Variants in CARM1 observed in about 807,000 individuals in gnomAD.
CARM1 encodes coactivator associated arginine methyltransferase 1, also known as histone-arginine methyltransferase CARM1.
A neutral mutation model predicts 72.7 loss-of-function variants in CARM1; 14 were observed. The observed-to-expected ratio is 0.19, with a 90% confidence interval of 0.13 to 0.30. The LOEUF is 0.30. Ranked by LOEUF, CARM1 falls within the 10% of genes least tolerant of loss-of-function variation. The pLI, the probability that CARM1 is intolerant of heterozygous loss-of-function variation, is 1.00. For missense variants in CARM1, 432 were observed against 833.7 expected (o/e 0.52, Z 5.93); for synonymous variants, 333 against 345.5 (o/e 0.96, Z 0.40).
At chr19:10,892,702 T>C (rs960295767) in intron 1 of CARM1, among the ~76,000 whole-genome samples, 2 of 152,070 alleles carry the variant, frequency 1.3e-5, no homozygotes, top group Non-Finnish European at 2.9e-5. Flanking sequence ...CAGGGAGGGG[T>C]TTTCATCCCC....
At position 10,915,236 on chromosome 19, in the gene CARM1, T is replaced by A. The variant is rs548789403; in HGVS notation, c.848-1171T>A. 1.1e-4 allele frequency among the ~76,000 whole-genome samples: 17 copies of A among 152,228 alleles called. No homozygotes were observed. The East Asian group carries it at 3.3e-3, about 29-fold the overall frequency. ...GGAAGCAAGGCTGCTCCAGGGGCTG[T>A]GGGCCCCACTCTCCTCCCCTTCTGC... is the stretch of plus-strand genomic sequence containing the variant. On this transcript the variant is annotated intron_variant, in intron 6 of 15. Coordinates refer to ENST00000327064, the MANE Select transcript of CARM1 (RefSeq NM_199141.2). The surrounding 1 kb of genome is among the most constrained non-coding windows in gnomAD (Gnocchi z 4.6).
chr19:10,903,219 T>A (rs1321611554), intron 1 of CARM1, among the ~76,000 whole-genome samples: 1 of 152,254 alleles, frequency 6.6e-6, no homozygotes, highest in Non-Finnish European at 1.5e-5. Context: ...CATTGATCTG[T>A]GTCTCCTTTC....
chr19:10,920,138 G>GTGTA lies in CARM1; in HGVS notation c.1196+175_1196+176insATGT, dbSNP rs960233969. ...TTGTGGGTGGGGTGTGTGTGTGTGT[G>GTGTA]TGTGTATGTGTGTGTGTGTCCTGTG... On this transcript the variant is annotated intron_variant, in intron 10 of 15. Coordinates refer to ENST00000327064, the MANE Select transcript of CARM1 (RefSeq NM_199141.2). This position sits in a 1 kb window ranked among gnomAD's most constrained non-coding sequence, Gnocchi z 5.3. Among the ~76,000 whole-genome samples the GTGTA allele has an allele frequency of 1.3e-5, 2 of 151,922 alleles. No individual in the cohort carries two copies. Among genetic ancestry groups the GTGTA allele is most frequent in the African/African-American group, 4.8e-5 (2 of 41,398 alleles).
At chr19:10,898,486 G>T (rs1300357479) in intron 1 of CARM1, among the ~76,000 whole-genome samples, 1 of 152,220 alleles carries the variant, frequency 6.6e-6, no homozygotes, top group African/African-American at 2.4e-5. Context: ...CGCAACAGTG[G>T]TGCTTTTTGG....
Position 10,915,077 on chromosome 19 carries a change from A to T in CARM1, c.847+1023A>T, listed in dbSNP as rs186966888. 2.6e-5 allele frequency among the ~76,000 whole-genome samples: 4 copies of T among 152,282 alleles called. No homozygotes were observed. Among genetic ancestry groups the T allele is most frequent in the African/African-American group, 9.6e-5 (4 of 41,558 alleles). ...GCAGGCTGGTGGGGCTTGTGCAGGCAGGGGCAGGGGGGAAGCTTCCACTCT... is the reference window on the plus strand; with the variant it reads ...GCAGGCTGGTGGGGCTTGTGCAGGCTGGGGCAGGGGGGAAGCTTCCACTCT... On this transcript the variant is annotated intron_variant, in intron 6 of 15. Transcript: ENST00000327064. This position sits in a 1 kb window ranked among gnomAD's most constrained non-coding sequence, Gnocchi z 4.6.
chr19:10,913,857 A>G lies in CARM1; in HGVS notation c.670-20A>G, dbSNP rs1286583419. ...GGCAGGAAGACGCAGGGAAGCCCAC[A>G]TGGCCCTGCCCGCCTGCAGGTCTTG... is the stretch of plus-strand genomic sequence containing the variant. On this transcript the variant is annotated intron_variant, in intron 5 of 15. Coordinates refer to ENST00000327064, the MANE Select transcript of CARM1 (RefSeq NM_199141.2). 6 of 1,606,440 alleles carry G rather than the reference A, an allele frequency of 3.7e-6. No homozygotes were observed. The highest frequency in any genetic ancestry group is 1.7e-5 in the Admixed American group (1 of 59,168).
intron 8 of CARM1, among the ~76,000 whole-genome samples, chr19:10,917,436 C>T (rs1198800753): frequency 3.9e-5 from 6 of 152,102 alleles, no homozygotes; most frequent in African/African-American, 9.6e-5. Context: ...GAGATCGCAC[C>T]ACTGCACTCC....
Position 10,915,161 on chromosome 19 carries a change from G to A in CARM1, c.847+1107G>A, listed in dbSNP as rs539820113. ...GTCCTGGCTGGCTGTGCTCCTGGAG[G>A]TGGGAGGTGGCGTCCCACAGCTGTG... is the stretch of plus-strand genomic sequence containing the variant. On this transcript the variant is annotated intron_variant, in intron 6 of 15. Transcript: ENST00000327064. The surrounding 1 kb of genome is among the most constrained non-coding windows in gnomAD (Gnocchi z 4.6). 2.5e-4 allele frequency among the ~76,000 whole-genome samples: 38 copies of A among 152,172 alleles called. No individual in the cohort carries two copies. The highest frequency in any genetic ancestry group is 4.7e-4 in the Non-Finnish European group (32 of 68,028).
At chr19:10,877,079 G>A (rs1037039177) in intron 1 of CARM1, among the ~76,000 whole-genome samples, 5 of 152,122 alleles carry the variant, frequency 3.3e-5, no homozygotes, top group Admixed American at 6.6e-5. Context: ...TGCTGTCACC[G>A]AACCAGGGGC....
rs1306183142 is a variant in CARM1 at position 10,890,780 on chromosome 19, T to C, written c.221-14171T>C. On this transcript the variant is annotated intron_variant, in intron 1 of 15. Transcript: ENST00000327064. The stretch of plus-strand genomic sequence containing the variant: ...ACACACATATACACACACACATATA[T>C]ATATATATATATATATTTTTTTTTT... Among the ~76,000 whole-genome samples the C allele has an allele frequency of 6.2e-3, 591 of 95,722 alleles. 31 individuals carry two copies. The highest frequency in any genetic ancestry group is 8.8e-3 in the African/African-American group (184 of 20,858). The allele number at this position is 95,722 out of a possible 152,430, so 62.8% of individuals were successfully genotyped here.
At chr19:10,899,033 GTTTTTTTTTT>G (rs34563725) in intron 1 of CARM1, among the ~76,000 whole-genome samples, 2 of 117,458 alleles carry the variant, frequency 1.7e-5, no homozygotes, top group East Asian at 2.5e-4. Context: ...GGCTTAGCTT[GTTTTTTTTTT>G]TTTTTTTTTT....
intron 1 of CARM1, among the ~76,000 whole-genome samples, chr19:10,901,504 C>T (rs542319467): frequency 4.0e-5 from 6 of 151,138 alleles, no homozygotes; most frequent in South Asian, 2.1e-4. Context: ...TTTTTTGTAG[C>T]GATAGAGATG....
intron 1 of CARM1, 105 bp from the exon 2 acceptor site, chr19:10,904,846 C>A: frequency 6.7e-7 from 1 of 1,482,160 alleles, no homozygotes; most frequent in East Asian, 2.3e-5. Context: ...CTGGAAGAAT[C>A]TGGGGGCACC....
Position 10,920,431 on chromosome 19 carries a change from C to G in CARM1, c.1197-5C>G. 1 of 1,607,554 alleles carries G rather than the reference C, an allele frequency of 6.2e-7. No individual in the cohort carries two copies. The highest frequency in any genetic ancestry group is 8.5e-7 in the Non-Finnish European group (1 of 1,174,888). On this transcript the variant is annotated splice_region_variant and splice_polypyrimidine_tract_variant and intron_variant, in intron 10 of 15. Coordinates refer to ENST00000327064, the MANE Select transcript of CARM1 (RefSeq NM_199141.2). This position sits in a 1 kb window ranked among gnomAD's most constrained non-coding sequence, Gnocchi z 5.3. ...GTCAAGTATGTGCCTGTCCCTGCTC[C>G]ACAGAATGACCGTGTGGCTGTCCAC...
intron 1 of CARM1, among the ~76,000 whole-genome samples, chr19:10,872,822 C>CA (rs2073830364): frequency 6.6e-6 from 1 of 152,000 alleles, no homozygotes; most frequent in Non-Finnish European, 1.5e-5. Context: ...TACTCTGTGT[C>CA]ATTTGGCTTT....
rs1157848631 is a variant in CARM1 at position 10,921,661 on chromosome 19, C to T, written c.1731C>T (p.His577=). 1.2e-6 allele frequency: 2 copies of T among 1,613,448 alleles called. No homozygotes were observed. The highest frequency in any genetic ancestry group is 4.5e-5 in the East Asian group (2 of 44,890). Residue 577 remains histidine, a synonymous_variant, in exon 16 of 16, where the codon CAC becomes CAT. Coordinates refer to ENST00000327064, the MANE Select transcript of CARM1 (RefSeq NM_199141.2). ...GTGGTGGTGGCAGCACGAGTGCCCACTATGCAGTCAACAGCCAGTTCACCA... is the reference window on the plus strand; with the variant it reads ...GTGGTGGTGGCAGCACGAGTGCCCATTATGCAGTCAACAGCCAGTTCACCA... The part of the protein sequence containing the change: ...QGSGGGSTSA[H]YAVNSQFTMG...
At chr19:10,875,684 A>G (rs920914129) in intron 1 of CARM1, among the ~76,000 whole-genome samples, 9 of 151,918 alleles carry the variant, frequency 5.9e-5, no homozygotes, top group African/African-American at 1.9e-4. Context: ...TTGGCCTCCC[A>G]AAGTGCTGGG....
intron 1 of CARM1, among the ~76,000 whole-genome samples, chr19:10,875,633 C>T (rs2073858207): frequency 6.6e-6 from 1 of 152,072 alleles, no homozygotes; most frequent in Non-Finnish European, 1.5e-5. Context: ...ACCGTGTTAG[C>T]CAGGATGGTC....
rs767395180 is a variant in CARM1 at position 10,888,086 on chromosome 19, T to C, written c.220+16164T>C. On this transcript the variant is annotated intron_variant, in intron 1 of 15. Coordinates refer to ENST00000327064, the MANE Select transcript of CARM1 (RefSeq NM_199141.2). ...GCCCGACCTTCCAGGCCACTGTGGG[T>C]GTCTCCTCTGCAAAGGGCCTCCTGC... Among the ~76,000 whole-genome samples, 58 of 152,180 alleles carry C rather than the reference T, an allele frequency of 3.8e-4. 1 individual carries two copies. The highest frequency in any genetic ancestry group is 2.6e-4 in the Admixed American group (4 of 15,274).
Sources: gnomAD v4.1 joint callset for allele counts (sites outside exome capture counted in the v4.1 genomes callset) on GRCh38, gnomAD v4.1.1 for gene constraint, Gnocchi (gnomAD v3.1) non-coding constraint, MANE v1.5 for transcripts, NCBI Gene and HGNC (gene_info 2026-07-23, HGNC 2026-07-21) for gene names.